Variants in SASS6 observed in about 807,000 individuals in gnomAD.
The protein encoded by SASS6 is SAS-6 centriolar assembly protein.
In SASS6, 59 loss-of-function variants were observed where a neutral mutation model predicts 94.9. That is an observed-to-expected ratio of 0.62 (90% CI 0.50 to 0.77). The LOEUF is 0.77. Among genes scored for constraint, SASS6 ranks in the 30% least tolerant of loss-of-function variants. The probability of loss-of-function intolerance (pLI) is 0.00; values close to 1 mark genes in which losing one functional copy is unlikely to be tolerated. For missense variants in SASS6, 698 were observed against 734.1 expected (o/e 0.95, Z 0.57); for synonymous variants, 264 against 270.0 (o/e 0.98, Z 0.22).
In SASS6 at chr1:100,106,919, A is replaced by G; in HGVS notation, c.1401T>C (p.Asn467=). The part of the protein sequence containing the change: ...LEESKQLLKN[N]EKLITWLNKE... ...AACACGTAACATACTTACACTTTTC[A>G]TTATTTTTTAGAAGTTGTTTGCTTT... Residue 467 remains asparagine (N), a synonymous_variant, in exon 12 of 17, where the codon AAT becomes AAC. Coordinates refer to ENST00000287482, the MANE Select transcript of SASS6 (RefSeq NM_194292.3). The G allele has an allele frequency of 7.8e-7, 1 of 1,290,272 alleles. No homozygotes were observed. The highest frequency in any genetic ancestry group is 1.2e-5 in the South Asian group (1 of 81,846). The allele number at this position is 1,290,272 out of a possible 1,614,324, so 79.9% of individuals were successfully genotyped here.
chr1:100,095,410 G>A (rs1652038751), intron 14 of SASS6, among the ~76,000 whole-genome samples: 1 of 152,108 alleles, frequency 6.6e-6, no homozygotes, highest in Admixed American at 6.6e-5. Flanking sequence ...GCATGCACTT[G>A]TGGTCCCAGT....
At position 100,085,620 on chromosome 1, in the gene SASS6, C is replaced by A. The variant is rs1490491553; in HGVS notation, c.1783G>T (p.Val595Leu). The A allele has an allele frequency of 1.2e-6, 2 of 1,601,476 alleles. No homozygotes were observed. The highest frequency in any genetic ancestry group is 1.7e-6 in the Non-Finnish European group (2 of 1,170,514). Reference protein sequence around the residue: ...CSTDKENGENVGLESKYLKKR... With the variant: ...CSTDKENGENLGLESKYLKKR... ...TTCAGGTATTTGGATTCCAACCCTACATTTTCACCACTTAAAAAGAAAATG... is the reference window on the plus strand; with the variant it reads ...TTCAGGTATTTGGATTCCAACCCTAAATTTTCACCACTTAAAAAGAAAATG... The change falls in exon 16 of 17, where the codon GTA becomes TTA. Residue 595 changes from valine to leucine, a missense_variant. Transcript: ENST00000287482.
chr1:100,129,300 C>A (rs916572926), intron 1 of SASS6, among the ~76,000 whole-genome samples: 1 of 151,352 alleles, frequency 6.6e-6, no homozygotes, highest in Non-Finnish European at 1.5e-5. Context: ...ACAAAAAAAA[C>A]CATGGTCTCT....
chr1:100,114,636 T>C (rs1440984011), intron 7 of SASS6, among the ~76,000 whole-genome samples: 6 of 152,100 alleles, frequency 3.9e-5, no homozygotes, highest in African/African-American at 1.4e-4. Flanking sequence ...GAGGGTCACT[T>C]GAGCCCGGAA....
chr1:100,093,073 A>G (rs1476138347), intron 14 of SASS6, among the ~76,000 whole-genome samples: 1 of 152,126 alleles, frequency 6.6e-6, no homozygotes, highest in Non-Finnish European at 1.5e-5. Context: ...TACGAAAAGT[A>G]TGTATATTAT....
Position 100,103,043 on chromosome 1 carries a change from T to A in SASS6, c.1586A>T (p.Tyr529Phe). The A allele has an allele frequency of 6.2e-7, 1 of 1,607,250 alleles. No homozygotes were observed. Among genetic ancestry groups the A allele is most frequent in the Non-Finnish European group, 8.5e-7 (1 of 1,173,908 alleles). Reference protein sequence around the residue: ...RLTYPTCGIGYPVSSAFAFQN... With the variant: ...RLTYPTCGIGFPVSSAFAFQN... ...GAATGCAAATGCAGAGGAGACAGGA[T>A]AACCAATCCCACAGGTTGGGTAAGT... The change falls in exon 14 of 17, where the codon TAT (tyrosine) becomes TTT (phenylalanine). Residue 529 changes from tyrosine to phenylalanine, a missense_variant. Tyr to Phe is a conservative substitution (Grantham distance 22). Transcript: ENST00000287482.
intron 13 of SASS6, among the ~76,000 whole-genome samples, chr1:100,104,783 TAAAA>T (rs546359132): frequency 8.6e-5 from 11 of 127,270 alleles, no homozygotes; most frequent in East Asian, 2.3e-4. Flanking sequence ...TTTCTCAGGT[TAAAA>T]AAAAAAAAAA....
intron 7 of SASS6, among the ~76,000 whole-genome samples, chr1:100,115,970 T>C (rs1370166378): frequency 6.6e-6 from 1 of 151,826 alleles, no homozygotes; most frequent in African/African-American, 2.4e-5. Flanking sequence ...AACAAGAAAA[T>C]TAAACAAATA....
intron 13 of SASS6, among the ~76,000 whole-genome samples, chr1:100,103,606 A>T (rs1007320406): frequency 3.3e-5 from 5 of 152,226 alleles, no homozygotes; most frequent in African/African-American, 9.7e-5. Flanking sequence ...TGTAACAGAA[A>T]TCTTGAGAAG....
At chr1:100,122,806 C>T (rs1025902218) in intron 3 of SASS6, among the ~76,000 whole-genome samples, 5 of 152,092 alleles carry the variant, frequency 3.3e-5, no homozygotes, top group Admixed American at 2.0e-4. Context: ...CCTCTTCGGC[C>T]GCCCAAAGTG....
In SASS6 at chr1:100,097,370, T is replaced by C. The variant is rs532654276; in HGVS notation, c.1674+5585A>G. 2.0e-5 allele frequency among the ~76,000 whole-genome samples: 3 copies of C among 152,292 alleles called. No homozygotes were observed. The East Asian group carries it at 5.8e-4, about 29-fold the overall frequency. ...CATATGTTCACAGCAGCTTAATCTG[T>C]AACATCCAAAAACTTAAAACAACTC... On this transcript the variant is annotated intron_variant, in intron 14 of 16. Coordinates refer to ENST00000287482, the MANE Select transcript of SASS6 (RefSeq NM_194292.3).
At chr1:100,093,843 G>C (rs183981186) in intron 14 of SASS6, among the ~76,000 whole-genome samples, 17 of 152,238 alleles carry the variant, frequency 1.1e-4, no homozygotes, top group African/African-American at 3.9e-4. Flanking sequence ...GTGAAATGCA[G>C]TTAAAGCAAG....
At chr1:100,119,204 A>G (rs1653996033) in intron 6 of SASS6, 67 bp from the exon 7 acceptor site, 1 of 864,802 alleles carries the variant, frequency 1.2e-6, no homozygotes. Flanking sequence ...TGATTAGAAT[A>G]TAGCAATATT....
At chr1:100,092,229 G>A (rs190325761) in intron 14 of SASS6, among the ~76,000 whole-genome samples, 130 of 151,930 alleles carry the variant, frequency 8.6e-4, no homozygotes, top group African/African-American at 2.9e-3. Context: ...ATAGGAGAAC[G>A]ATTCAAATTT....
intron 14 of SASS6, among the ~76,000 whole-genome samples, chr1:100,092,501 C>T (rs189033202): frequency 1.3e-5 from 2 of 152,080 alleles, no homozygotes; most frequent in African/African-American, 4.8e-5. Context: ...AGGAAAAGAA[C>T]AAGAAGAACA....
Position 100,105,870 on chromosome 1 carries a change from T to A in SASS6, c.1442A>T (p.Asn481Ile). ...ITWLNKELNE[N>I]QLVRKQDVLG... ...TACATCTTGCTTTCTCACTAGCTGA[T>A]TTTCATTTAGTTCTTTATTTAACCA... Residue 481 changes from asparagine to isoleucine, a missense_variant, in exon 13 of 17, where the codon AAT (asparagine) becomes ATT (isoleucine). Asn to Ile is a moderately radical substitution (Grantham distance 149). Coordinates refer to ENST00000287482, the MANE Select transcript of SASS6 (RefSeq NM_194292.3). 6.2e-7 allele frequency: 1 copy of A among 1,609,034 alleles called. No homozygotes were observed. The highest frequency in any genetic ancestry group is 8.5e-7 in the Non-Finnish European group (1 of 1,176,640).
intron 7 of SASS6, among the ~76,000 whole-genome samples, chr1:100,114,625 G>T (rs182547880): frequency 6.6e-6 from 1 of 152,196 alleles, no homozygotes; most frequent in Non-Finnish European, 1.5e-5. Context: ...GACTGAGGTG[G>T]GAGGGTCACT....
At chr1:100,106,343 T>C (rs938783878) in intron 12 of SASS6, among the ~76,000 whole-genome samples, 1 of 152,160 alleles carries the variant, frequency 6.6e-6, no homozygotes, top group Non-Finnish European at 1.5e-5. Flanking sequence ...ATTTAAACAA[T>C]AAATTACAGT....
At chr1:100,110,603 T>G in intron 7 of SASS6, 120 bp from the exon 8 acceptor site, 1 of 510,256 alleles carries the variant, frequency 2.0e-6, no homozygotes, top group Non-Finnish European at 3.2e-6. Context: ...TTTTTTGTCT[T>G]AATTTTGTCA....
Sources: gnomAD v4.1 joint callset for allele counts (sites outside exome capture counted in the v4.1 genomes callset) on GRCh38, gnomAD v4.1.1 for gene constraint, MANE v1.5 for transcripts, NCBI Gene and HGNC (gene_info 2026-07-23, HGNC 2026-07-21) for gene names.